The following INTS4 variants were observed in gnomAD, a reference collection of about 807,000 sequenced individuals.
INTS4 encodes the protein integrator complex subunit 4.
INTS4 carries 70 observed loss-of-function variants against 119.5 expected under a neutral mutation model. That is an observed-to-expected ratio of 0.59 (90% CI 0.48 to 0.71). The LOEUF is 0.71. Ranked by LOEUF, INTS4 falls within the 30% of genes least tolerant of loss-of-function variation. INTS4 has a pLI of 0.00. For synonymous variants in INTS4, 316 were observed against 419.6 expected, an observed-to-expected ratio of 0.75 and a Z score of 3.02; for missense variants, 867 against 1,173.2, an observed-to-expected ratio of 0.74 and a Z score of 3.81.
At chr11:77,969,463 C>T (rs1855628029) in intron 4 of INTS4, among the ~76,000 whole-genome samples, 2 of 152,144 alleles carry the variant, frequency 1.3e-5, no homozygotes, top group South Asian at 2.1e-4. Context: ...TCATTGCAGC[C>T]TTGACCTCCT....
intron 4 of INTS4, among the ~76,000 whole-genome samples, chr11:77,966,477 T>C (rs2136602533): frequency 6.6e-6 from 1 of 152,320 alleles, no homozygotes; most frequent in East Asian, 1.9e-4. Flanking sequence ...AGTATGTGTA[T>C]GACGTAAGGG....
chr11:77,936,984 C>T (rs1246603342), intron 10 of INTS4, among the ~76,000 whole-genome samples: 4 of 151,844 alleles, frequency 2.6e-5, no homozygotes, highest in Non-Finnish European at 5.9e-5. Context: ...AGACCAGCCT[C>T]GACAACATGG....
intron 22 of INTS4, 21 bp downstream of exon 22, chr11:77,883,811 A>G: frequency 1.2e-6 from 2 of 1,610,482 alleles, no homozygotes; most frequent in African/African-American, 1.3e-5. Flanking sequence ...TTCCCTTCCC[A>G]CCCTGGTCCT....
intron 22 of INTS4, 97 bp from the exon 23 acceptor site, chr11:77,879,224 G>T (rs1951697283): frequency 7.4e-7 from 1 of 1,359,626 alleles, no homozygotes; most frequent in Non-Finnish European, 1.0e-6. Flanking sequence ...GAAGCAGTAG[G>T]GAGAAATTTC....
intron 4 of INTS4, chr11:77,963,578 A>G (rs999997711): frequency 3.5e-5 from 12 of 340,346 alleles, no homozygotes; most frequent in African/African-American, 2.5e-4. Flanking sequence ...TTAATTTACA[A>G]TTTTGCTATA....
At chr11:77,954,079 T>C (rs1954260691) in intron 8 of INTS4, among the ~76,000 whole-genome samples, 1 of 152,216 alleles carries the variant, frequency 6.6e-6, no homozygotes, top group Non-Finnish European at 1.5e-5. Flanking sequence ...CCCAAAGTGC[T>C]GGGATTATAG....
At chr11:77,902,037 A>G (rs896834983) in intron 17 of INTS4, among the ~76,000 whole-genome samples, 1 of 152,228 alleles carries the variant, frequency 6.6e-6, no homozygotes, top group African/African-American at 2.4e-5. Context: ...ACATTTGTCT[A>G]TGACCCCAGA....
chr11:77,918,184 C>G (rs1486770636), intron 15 of INTS4: 1 of 689,354 alleles, frequency 1.5e-6, no homozygotes, highest in African/African-American at 1.8e-5. Context: ...GTAATTCCAG[C>G]ACTTTGGGAG....
chr11:77,981,478 G>A lies in INTS4; in HGVS notation c.345C>T (p.Ile115=), dbSNP rs772327741. The A allele has an allele frequency of 2.6e-6, 4 of 1,531,066 alleles. No individual in the cohort carries two copies. The East Asian group carries it at 7.2e-5, about 27-fold the overall frequency. The allele number at this position is 1,531,066 out of a possible 1,614,324, so 94.8% of individuals were successfully genotyped here. ...FSPDCIMDDA[I]NILQNEKSHQ... ...ACTTACTTTCATTCTGCAGGATGTTGATGGCATCATCCATAATGCAGTCTG... is the reference window on the plus strand; with the variant it reads ...ACTTACTTTCATTCTGCAGGATGTTAATGGCATCATCCATAATGCAGTCTG... Residue 115 remains isoleucine (I), a synonymous_variant, in exon 3 of 23, where the codon ATC becomes ATT. Coordinates refer to ENST00000534064, the MANE Select transcript of INTS4 (RefSeq NM_033547.4).
intron 10 of INTS4, among the ~76,000 whole-genome samples, chr11:77,930,304 C>T (rs1234913775): frequency 6.6e-6 from 1 of 152,164 alleles, no homozygotes; most frequent in East Asian, 1.9e-4. Context: ...AGTAGAGTTA[C>T]TACATTAAAG....
At chr11:77,958,304 A>T (rs1160312115) in intron 7 of INTS4, among the ~76,000 whole-genome samples, 1 of 152,042 alleles carries the variant, frequency 6.6e-6, no homozygotes, top group Non-Finnish European at 1.5e-5. Flanking sequence ...TCCTCAAAGA[A>T]TCACTGTGGT....
At chr11:77,922,533 C>T in intron 12 of INTS4, 62 bp from the exon 13 acceptor site, 1 of 694,390 alleles carries the variant, frequency 1.4e-6, no homozygotes, top group East Asian at 2.7e-5. Flanking sequence ...TTGAAAAGTA[C>T]TAGGAACTGG....
At position 77,907,704 on chromosome 11, in the gene INTS4, G is replaced by T. The variant is rs1014708160; in HGVS notation, c.2016+13C>A. On this transcript the variant is annotated intron_variant, in intron 16 of 22. Coordinates refer to ENST00000534064, the MANE Select transcript of INTS4 (RefSeq NM_033547.4). ...TAGCAACACAATCATAAATGGAATG[G>T]ATGCAAACCAACCTTGATGAGAAGT... 11 of 1,595,770 alleles carry T rather than the reference G, an allele frequency of 6.9e-6. No homozygotes were observed. Among genetic ancestry groups the T allele is most frequent in the Middle Eastern group, 1.6e-4 (1 of 6,064 alleles).
At chr11:77,957,721 T>G (rs1240448843) in intron 7 of INTS4, among the ~76,000 whole-genome samples, 3 of 138,964 alleles carry the variant, frequency 2.2e-5, no homozygotes, top group African/African-American at 8.1e-5. Flanking sequence ...CAGGCTGGAG[T>G]GCAGTGGTGT....
At chr11:77,968,249 T>C (rs1004173266) in intron 4 of INTS4, among the ~76,000 whole-genome samples, 2 of 152,182 alleles carry the variant, frequency 1.3e-5, no homozygotes, top group East Asian at 3.8e-4. Flanking sequence ...ATATGAAACA[T>C]TTACTTCAGT....
intron 3 of INTS4, among the ~76,000 whole-genome samples, chr11:77,980,025 T>C (rs186759602): frequency 2.6e-5 from 4 of 151,380 alleles, no homozygotes; most frequent in African/African-American, 9.7e-5. Context: ...AAGTTTTCCA[T>C]TGCCTTCAAG....
intron 12 of INTS4, among the ~76,000 whole-genome samples, chr11:77,923,344 G>C (rs562153045): frequency 2.5e-4 from 36 of 142,596 alleles, no homozygotes; most frequent in Admixed American, 1.7e-3. Context: ...AAAGCCAAGA[G>C]AACTGCAGAG....
At chr11:77,898,222 G>C (rs1348894641) in intron 18 of INTS4, among the ~76,000 whole-genome samples, 1 of 152,154 alleles carries the variant, frequency 6.6e-6, no homozygotes, top group Non-Finnish European at 1.5e-5. Flanking sequence ...GGAGTGCAGT[G>C]GTGCGATCTC....
chr11:77,929,740 G>C (rs1188466611), intron 10 of INTS4, among the ~76,000 whole-genome samples: 2 of 152,162 alleles, frequency 1.3e-5, no homozygotes, highest in Non-Finnish European at 2.9e-5. Context: ...CACTAAGTTG[G>C]AGGGTGATCT....
Sources: allele counts gnomAD v4.1 joint callset (sites outside exome capture counted in the v4.1 genomes callset), GRCh38; gene constraint gnomAD v4.1.1; transcripts MANE v1.5; gene names NCBI Gene and HGNC (gene_info 2026-07-23, HGNC 2026-07-21).